The following COX7A2L variants were observed in gnomAD, a reference collection of about 807,000 sequenced individuals.
COX7A2L encodes the protein cytochrome c oxidase subunit 7A2 like.
A neutral mutation model predicts 14.2 loss-of-function variants in COX7A2L; 18 were observed. The observed-to-expected ratio is 1.27, with a 90% CI of 0.88 to 1.88. COX7A2L has a LOEUF of 1.88. Ranked by LOEUF, COX7A2L falls within the 40% of genes most tolerant of loss-of-function variation. The pLI, the probability that COX7A2L is intolerant of heterozygous loss-of-function variation, is 0.00. For synonymous variants in COX7A2L, 65 were observed against 57.4 expected (o/e 1.13, Z -0.60); for missense variants, 179 against 138.8 (o/e 1.29, Z -1.46).
chr2:42,337,708 T>C (rs1670311873), intron 2 of COX7A2L, among the ~76,000 whole-genome samples: 1 of 141,474 alleles, frequency 7.1e-6, no homozygotes, highest in Non-Finnish European at 1.5e-5. Context: ...CATGGGACTC[T>C]TATTTTTGCA....
upstream of COX7A2L, chr2:42,361,256 A>G: frequency 8.3e-7 from 1 of 1,205,774 alleles, no homozygotes; most frequent in Non-Finnish European, 1.2e-6. Context: ...ACTCAGCGCA[A>G]GGACCCGGTG....
chr2:42,355,228 C>T (rs957363370), intron 1 of COX7A2L, among the ~76,000 whole-genome samples: 1 of 152,178 alleles, frequency 6.6e-6, no homozygotes, highest in Non-Finnish European at 1.5e-5. Context: ...CAAACAGGGG[C>T]TCTACTATCA....
intron 1 of COX7A2L, among the ~76,000 whole-genome samples, chr2:42,358,320 A>C (rs1049163667): frequency 2.6e-5 from 4 of 152,230 alleles, no homozygotes; most frequent in Non-Finnish European, 5.9e-5. Flanking sequence ...ATGCCTTTCA[A>C]CCAATGGAAA....
chr2:42,336,740 G>C (rs1250484396), intron 2 of COX7A2L, among the ~76,000 whole-genome samples: 1 of 152,200 alleles, frequency 6.6e-6, no homozygotes, highest in East Asian at 1.9e-4. Context: ...CCTTACAGCA[G>C]CTCCTCTTCT....
At chr2:42,359,165 T>A (rs1028932484) in intron 1 of COX7A2L, 6 of 152,206 alleles carry the variant, frequency 3.9e-5, no homozygotes, top group African/African-American at 1.4e-4. Flanking sequence ...TCCAACATTT[T>A]CAGAGGCAAA....
rs1670413716 is a variant in COX7A2L at position 42,342,080 on chromosome 2, T to G, written c.193-8211A>C. On this transcript the variant is annotated intron_variant, in intron 2 of 2. Transcript: ENST00000468711. The surrounding 1 kb of genome is among the most constrained non-coding windows in gnomAD (Gnocchi z 4.9). ...TGAACTGATTCTAGAGCATCTGACC[T>G]TCCCCACCCTCTCTAGTGGCGAGGC... is the stretch of plus-strand genomic sequence containing the variant. 6.6e-6 allele frequency among the ~76,000 whole-genome samples: 1 copy of G among 152,188 alleles called. No individual in the cohort carries two copies. Among genetic ancestry groups the G allele is most frequent in the African/African-American group, 2.4e-5 (1 of 41,454 alleles).
At chr2:42,352,222 T>C (rs1394813897) in intron 2 of COX7A2L, among the ~76,000 whole-genome samples, 1 of 152,210 alleles carries the variant, frequency 6.6e-6, no homozygotes, top group African/African-American at 2.4e-5. Flanking sequence ...CAGGCTAGAA[T>C]GCAGTGGCTC....
rs180871156 is a variant in COX7A2L, at chr2:42,336,975, C to T, written c.193-3106G>A. ...CCCCTGCCCTCACGGAGCATACACT[C>T]TAGAAAGGTTGTAAAAACAAACTTT... On this transcript the variant is annotated intron_variant, in intron 2 of 2. Coordinates refer to the COX7A2L transcript ENST00000468711. 7.7e-4 allele frequency among the ~76,000 whole-genome samples: 117 copies of T among 152,252 alleles called. 2 individuals carry two copies. In the East Asian group the frequency reaches 0.021, roughly 27 times the overall value.
Position 42,339,251 on chromosome 2 carries a change from C to G in COX7A2L, c.193-5382G>C, listed in dbSNP as rs1366822514. On this transcript the variant is annotated intron_variant, in intron 2 of 2. Coordinates refer to the COX7A2L transcript ENST00000468711. This position sits in a 1 kb window ranked among gnomAD's most constrained non-coding sequence, Gnocchi z 5.4. ...TTTGCCAGGGAGGGCACTCAGGAAA[C>G]CACAGACGCGGCCGTTGGCACCACC... 6.6e-6 allele frequency among the ~76,000 whole-genome samples: 1 copy of G among 152,212 alleles called. No individual in the cohort carries two copies. The highest frequency in any genetic ancestry group is 1.5e-5 in the Non-Finnish European group (1 of 68,036).
intron 2 of COX7A2L, among the ~76,000 whole-genome samples, chr2:42,340,873 A>G (rs1670390516): frequency 1.3e-5 from 2 of 152,132 alleles, no homozygotes; most frequent in South Asian, 4.1e-4. Context: ...AGCACACTGC[A>G]GAAGGAATGA....
rs1226695018 is a variant in COX7A2L, at chr2:42,353,220, A to G, written c.196T>C (p.Phe66Leu). 2 of 1,613,746 alleles carry G rather than the reference A, an allele frequency of 1.2e-6. No homozygotes were observed. Among genetic ancestry groups the G allele is most frequent in the African/African-American group, 1.3e-5 (1 of 74,898 alleles). The change falls in exon 2 of 3, where the codon TTT (phenylalanine) becomes CTT (leucine). Residue 66 changes from phenylalanine (F) to leucine (L), a missense_variant. Physicochemically the swap from Phe to Leu is conservative, Grantham distance 22 (BLOSUM62 0). Coordinates refer to ENST00000234301, the MANE Select transcript of COX7A2L (RefSeq NM_004718.4). ...GKNKVPELQKFFQKADGVPVY... is the reference protein window; with the variant it reads ...GKNKVPELQKLFQKADGVPVY... The stretch of plus-strand genomic sequence containing the variant: ...AGAGTATCTTCCCTCACCTGGAAAA[A>G]CTTTTGTAGCTCTGGAACTTTGTTT...
chr2:42,343,777 T>C (rs1287635686), intron 2 of COX7A2L, among the ~76,000 whole-genome samples: 1 of 152,166 alleles, frequency 6.6e-6, no homozygotes, highest in Non-Finnish European at 1.5e-5. Context: ...GACGTGGGGA[T>C]GAACAGACCT....
chr2:42,360,823 A>C, intron 1 of COX7A2L: 2 of 500,730 alleles, frequency 4.0e-6, no homozygotes, highest in Non-Finnish European at 7.2e-6. Flanking sequence ...CCTTTTAGAC[A>C]AGTGACCCCG....
chr2:42,364,450 ACT>A (rs1249162512), upstream of COX7A2L, among the ~76,000 whole-genome samples: 1 of 151,874 alleles, frequency 6.6e-6, no homozygotes, highest in Non-Finnish European at 1.5e-5. Context: ...GTTTATGTCT[ACT>A]CTCTCTTTTT....
intron 2 of COX7A2L, among the ~76,000 whole-genome samples, chr2:42,340,662 T>C (rs1318388779): frequency 3.9e-5 from 6 of 151,930 alleles, no homozygotes; most frequent in African/African-American, 1.2e-4. Context: ...GCCTTCCCCA[T>C]GTCCTCTAGT....
At chr2:42,352,551 G>A (rs1670681540) in intron 2 of COX7A2L, among the ~76,000 whole-genome samples, 1 of 152,128 alleles carries the variant, frequency 6.6e-6, no homozygotes, top group African/African-American at 2.4e-5. Flanking sequence ...AGATTAAACT[G>A]ATCAAAACAA....
At chr2:42,344,609 T>C (rs555160804), downstream of COX7A2L, among the ~76,000 whole-genome samples, 1 of 152,278 alleles carries the variant, frequency 6.6e-6, no homozygotes, top group Admixed American at 6.5e-5. Flanking sequence ...TCCCAGCAGT[T>C]TGGGAGGCTG....
At position 42,351,080 on chromosome 2, in the gene COX7A2L, A is replaced by T; in HGVS notation, c.*139T>A. 1.0e-6 allele frequency: 1 copy of T among 973,680 alleles called. No individual in the cohort carries two copies. The highest frequency in any genetic ancestry group is 1.5e-6 in the Non-Finnish European group (1 of 680,266). The allele number at this position is 973,680 out of a possible 1,614,324, so 60.3% of individuals were successfully genotyped here. A position where few individuals can be genotyped will look rare whatever the true frequency, so the allele number is the denominator to read the frequency against. ...CATATGCATTTCATAAACAAACCAA[A>T]ACATCATCTTCATATCTTCCTATTT... On this transcript the variant is annotated 3_prime_UTR_variant, in exon 3 of 3. Transcript: ENST00000234301.
At chr2:42,347,458 T>A (rs1670521507), downstream of COX7A2L, among the ~76,000 whole-genome samples, 1 of 152,140 alleles carries the variant, frequency 6.6e-6, no homozygotes, top group South Asian at 2.1e-4. Context: ...TAAAGTCATA[T>A]TTATAAAAGC....
Sources: allele counts gnomAD v4.1 joint callset (sites outside exome capture counted in the v4.1 genomes callset), GRCh38; gene constraint gnomAD v4.1.1; non-coding constraint Gnocchi (gnomAD v3.1); transcripts MANE v1.5; gene names NCBI Gene and HGNC (gene_info 2026-07-23, HGNC 2026-07-21).